The following TFPI variants were observed in gnomAD, a reference collection of about 807,000 sequenced individuals.
The protein encoded by TFPI is tissue factor pathway inhibitor, also known as anti-convertin.
Under a neutral mutation model 34.6 loss-of-function variants are expected in TFPI, and 15 were observed. The observed-to-expected ratio is 0.43, with a 90% CI of 0.29 to 0.67. TFPI has a LOEUF of 0.67. TFPI is among the 30% of genes least tolerant of loss of function. The pLI is 0.15. For missense variants in TFPI, 301 were observed against 364.0 expected, an observed-to-expected ratio of 0.83 and a Z score of 1.41; for synonymous variants, 105 against 120.1, an observed-to-expected ratio of 0.87 and a Z score of 0.82.
intron 3 of TFPI, among the ~76,000 whole-genome samples, chr2:187,488,624 C>G (rs1693469660): frequency 6.6e-6 from 1 of 151,334 alleles, no homozygotes; most frequent in African/African-American, 2.4e-5. Context: ...TTCTAACACA[C>G]TTACAAAGCT....
At chr2:187,491,298 A>T (rs1685109297) in intron 3 of TFPI, among the ~76,000 whole-genome samples, 1 of 151,936 alleles carries the variant, frequency 6.6e-6, no homozygotes, top group African/African-American at 2.4e-5. Flanking sequence ...CATAACCCAA[A>T]TAGTGTCCAT....
intron 4 of TFPI, among the ~76,000 whole-genome samples, chr2:187,485,239 G>A (rs1693177098): frequency 6.6e-6 from 1 of 151,492 alleles, no homozygotes; most frequent in South Asian, 2.1e-4. Flanking sequence ...CAAATTTAAG[G>A]AATAAAAGAT....
At chr2:187,468,145 TA>T (rs1174310719) in intron 6 of TFPI, among the ~76,000 whole-genome samples, 3 of 151,954 alleles carry the variant, frequency 2.0e-5, no homozygotes, top group Non-Finnish European at 2.9e-5. Flanking sequence ...TCCAATGAAT[TA>T]AAAAATCTCA....
intron 6 of TFPI, among the ~76,000 whole-genome samples, chr2:187,476,849 C>G (rs1293415253): frequency 6.6e-6 from 1 of 151,998 alleles, no homozygotes; most frequent in Non-Finnish European, 1.5e-5. Flanking sequence ...GAAGTCTTAT[C>G]AAATTAGTAT....
intron 1 of TFPI, among the ~76,000 whole-genome samples, chr2:187,538,379 T>A (rs1322091351): frequency 6.6e-6 from 1 of 152,162 alleles, no homozygotes; most frequent in African/African-American, 2.4e-5. Flanking sequence ...ATGTGGCACA[T>A]ATACACCATG....
intron 1 of TFPI, among the ~76,000 whole-genome samples, chr2:187,536,925 T>A (rs1337799561): frequency 6.7e-6 from 1 of 150,370 alleles, no homozygotes; most frequent in Non-Finnish European, 1.5e-5. Context: ...ACCACAAGCA[T>A]TCTTGTACAC....
chr2:187,493,284 C>G (rs1434960381), intron 3 of TFPI, among the ~76,000 whole-genome samples: 1 of 152,146 alleles, frequency 6.6e-6, no homozygotes, highest in East Asian at 1.9e-4. Flanking sequence ...CTGGCCCTAG[C>G]TCTACGTTGA....
chr2:187,521,639 G>A (rs1687378145), intron 1 of TFPI, among the ~76,000 whole-genome samples: 1 of 151,992 alleles, frequency 6.6e-6, no homozygotes, highest in Non-Finnish European at 1.5e-5. Flanking sequence ...TGCAGTCTCG[G>A]CTCACTGCAA....
At chr2:187,481,428 A>G (rs1692845618) in intron 6 of TFPI, among the ~76,000 whole-genome samples, 1 of 151,918 alleles carries the variant, frequency 6.6e-6, no homozygotes, top group South Asian at 2.1e-4. Flanking sequence ...AACCCCTCAG[A>G]CAGAAGTGAC....
rs957276030 is a variant in TFPI, at chr2:187,464,592, A to G, written c.*2344T>C. On this transcript the variant is annotated 3_prime_UTR_variant, in exon 8 of 8. Coordinates refer to ENST00000233156, the MANE Select transcript of TFPI (RefSeq NM_006287.6). The stretch of plus-strand genomic sequence containing the variant: ...CAACTCATCAATGCGCTATTTATAC[A>G]ATCTTAGTGACTATTTACCACTTCA... The G allele has an allele frequency of 4.6e-5, 7 of 152,162 alleles. No individual in the cohort carries two copies. The highest frequency in any genetic ancestry group is 7.2e-5 in the African/African-American group (3 of 41,452). 9.4% of individuals were successfully genotyped at this position (152,162 alleles called of 1,614,324 possible). A position where few individuals can be genotyped will look rare whatever the true frequency, so the allele number is the denominator to read the frequency against.
chr2:187,466,849 A>T lies in TFPI; in HGVS notation c.*87T>A. 2.7e-6 allele frequency: 2 copies of T among 741,128 alleles called. No homozygotes were observed. The highest frequency in any genetic ancestry group is 3.4e-5 in the Admixed American group (1 of 29,416). 45.9% of individuals were successfully genotyped at this position (741,128 alleles called of 1,614,324 possible). A position where few individuals can be genotyped will look rare whatever the true frequency, so the allele number is the denominator to read the frequency against. ...AAATTTAATGAACATATTAATTAAA[A>T]GCATTTTAGAAGAAAAATAGAAAAT... is the stretch of plus-strand genomic sequence containing the variant. On this transcript the variant is annotated 3_prime_UTR_variant, in exon 8 of 8. Transcript: ENST00000233156.
At chr2:187,546,322 C>A (rs886423282) in intron 1 of TFPI, among the ~76,000 whole-genome samples, 5 of 109,842 alleles carry the variant, frequency 4.6e-5, no homozygotes, top group South Asian at 2.9e-4. Context: ...ACATTGTTTT[C>A]TTTGAATGAA....
In TFPI at chr2:187,520,016, C is replaced by T. The variant is rs562336493; in HGVS notation, c.-2-16246G>A. Reference sequence around the variant, plus strand: ...CCTCCCCCTACCAAGCTAGTGCGTCCCAGGGCGACTTCAGACTGCTATGCT... The same window carrying T: ...CCTCCCCCTACCAAGCTAGTGCGTCTCAGGGCGACTTCAGACTGCTATGCT... On this transcript the variant is annotated intron_variant, in intron 1 of 7. Coordinates refer to ENST00000233156, the MANE Select transcript of TFPI (RefSeq NM_006287.6). Among the ~76,000 whole-genome samples the T allele has an allele frequency of 1.7e-4, 26 of 152,200 alleles. 1 individual carries two copies. In the South Asian group the frequency reaches 3.3e-3, roughly 19 times the overall value.
chr2:187,469,518 A>G (rs1691910096), intron 6 of TFPI, among the ~76,000 whole-genome samples: 1 of 152,110 alleles, frequency 6.6e-6, no homozygotes, highest in Admixed American at 6.6e-5. Context: ...AAATGATGTT[A>G]TGGGATACAT....
At chr2:187,542,355 T>TG (rs1688624884) in intron 1 of TFPI, among the ~76,000 whole-genome samples, 1 of 149,634 alleles carries the variant, frequency 6.7e-6, no homozygotes, top group African/African-American at 2.4e-5. Context: ...GTGTGTGTGT[T>TG]TTGCCAGGGG....
At chr2:187,497,590 G>A (rs1559119940) in intron 2 of TFPI, among the ~76,000 whole-genome samples, 1 of 151,794 alleles carries the variant, frequency 6.6e-6, no homozygotes, top group East Asian at 1.9e-4. Flanking sequence ...ATACTTCATG[G>A]TGCTTTTTAT....
intron 2 of TFPI, chr2:187,499,706 C>G (rs1211258505): frequency 6.6e-6 from 1 of 151,390 alleles, no homozygotes; most frequent in Non-Finnish European, 1.5e-5. Flanking sequence ...AATATGGGAC[C>G]CCAGAATTCA....
chr2:187,520,172 G>A (rs1039178732), intron 1 of TFPI, among the ~76,000 whole-genome samples: 5 of 152,084 alleles, frequency 3.3e-5, no homozygotes, highest in Non-Finnish European at 5.9e-5. Flanking sequence ...CTGTCCACTG[G>A]CATTCCAGGC....
At chr2:187,508,366 C>T (rs975559817) in intron 1 of TFPI, among the ~76,000 whole-genome samples, 2 of 152,150 alleles carry the variant, frequency 1.3e-5, no homozygotes, top group Non-Finnish European at 2.9e-5. Flanking sequence ...TCAATGGTAG[C>T]TTAATTGGGA....
Sources: gnomAD v4.1 joint callset for allele counts (sites outside exome capture counted in the v4.1 genomes callset) on GRCh38, gnomAD v4.1.1 for gene constraint, MANE v1.5 for transcripts, NCBI Gene and HGNC (gene_info 2026-07-23, HGNC 2026-07-21) for gene names.